COG5: variants seen among roughly 807,000 people sequenced by gnomAD.
The protein encoded by COG5 is component of oligomeric golgi complex 5.
In COG5, 86 loss-of-function variants were observed where a neutral mutation model predicts 110.4. The ratio of observed to expected loss-of-function variants is 0.78; its 90% CI spans 0.65 to 0.93. COG5 has a LOEUF of 0.93. Ranked by LOEUF, COG5 falls within the 40% of genes least tolerant of loss-of-function variation. COG5 has a pLI of 0.00. For synonymous variants in COG5, 360 were observed against 334.6 expected, an observed-to-expected ratio of 1.08 and a Z score of -0.83; for missense variants, 1,077 against 987.0, an observed-to-expected ratio of 1.09 and a Z score of -1.22.
At chr7:107,217,757 A>C (rs1487430366) in intron 19 of COG5, among the ~76,000 whole-genome samples, 2 of 152,160 alleles carry the variant, frequency 1.3e-5, no homozygotes, top group African/African-American at 4.8e-5. Flanking sequence ...CTAACATTAT[A>C]CTCAATGGTG....
intron 6 of COG5, among the ~76,000 whole-genome samples, chr7:107,438,301 C>T (rs894475356): frequency 3.3e-5 from 5 of 152,204 alleles, no homozygotes; most frequent in African/African-American, 1.2e-4. Flanking sequence ...TCAGAGGCAG[C>T]ACCAGAGAAA....
intron 5 of COG5, among the ~76,000 whole-genome samples, chr7:107,532,159 C>T (rs1801260644): frequency 6.6e-6 from 1 of 152,160 alleles, no homozygotes; most frequent in Non-Finnish European, 1.5e-5. Flanking sequence ...AGGGTTCAAG[C>T]GATTCTCCTG....
chr7:107,469,386 T>C (rs1190376892), intron 6 of COG5, among the ~76,000 whole-genome samples: 1 of 152,126 alleles, frequency 6.6e-6, no homozygotes, highest in Non-Finnish European at 1.5e-5. Context: ...GATTACTGAT[T>C]GAAGTTTTAT....
intron 19 of COG5, among the ~76,000 whole-genome samples, chr7:107,221,609 A>C (rs1431735030): frequency 6.6e-6 from 1 of 151,634 alleles, no homozygotes; most frequent in African/African-American, 2.4e-5. Context: ...CTAAAAATAC[A>C]AAAAAATTAG....
chr7:107,556,481 T>C (rs113763685), intron 2 of COG5, among the ~76,000 whole-genome samples: 7 of 152,310 alleles, frequency 4.6e-5, no homozygotes, highest in African/African-American at 9.6e-5. Context: ...GCAGAGTAGA[T>C]GCTGCATACA....
At chr7:107,530,601 C>CAAAAAAA (rs953588412) in intron 5 of COG5, among the ~76,000 whole-genome samples, 16 of 47,734 alleles carry the variant, frequency 3.4e-4, no homozygotes, top group South Asian at 9.8e-4. Context: ...AACTCCATCT[C>CAAAAAAA]AAAAAAAAAA....
intron 5 of COG5, among the ~76,000 whole-genome samples, chr7:107,530,795 C>G (rs779409254): frequency 1.2e-4 from 18 of 152,156 alleles, no homozygotes; most frequent in Non-Finnish European, 2.2e-4. Context: ...CCCAATATAG[C>G]TGCCTCCCCT....
chr7:107,268,313 TA>T (rs2116699019), intron 14 of COG5, among the ~76,000 whole-genome samples: 1 of 152,294 alleles, frequency 6.6e-6, no homozygotes, highest in African/African-American at 2.4e-5. Flanking sequence ...TCAGTTCAGC[TA>T]AAGTCCTAAT....
intron 19 of COG5, among the ~76,000 whole-genome samples, chr7:107,227,582 A>G (rs1800442314): frequency 1.3e-5 from 2 of 152,110 alleles, no homozygotes; most frequent in African/African-American, 2.4e-5. Flanking sequence ...CTTAAAATAG[A>G]TGTCTTAAGT....
At chr7:107,383,625 G>C (rs1341653623) in intron 7 of COG5, among the ~76,000 whole-genome samples, 1 of 152,098 alleles carries the variant, frequency 6.6e-6, no homozygotes, top group Admixed American at 6.5e-5. Context: ...AAGAGGGAAA[G>C]AGGACACTCT....
At position 107,248,505 on chromosome 7, in the gene COG5, AAAAAAAAAGAAAG is replaced by A; in HGVS notation, c.1750-19_1750-7del. The A allele has an allele frequency of 1.3e-6, 2 of 1,576,152 alleles. No individual in the cohort carries two copies. Among genetic ancestry groups the A allele is most frequent in the South Asian group, 2.3e-5 (2 of 88,804 alleles). Reference sequence around the variant, plus strand: ...TCCATAAGAGCATGAATAGCCTAAAAAAAAAAAAGAAAGAAAAAAAAGAAGAGGCAAGATTAAA... The same window carrying A: ...TCCATAAGAGCATGAATAGCCTAAAAAAAAAAAAGAAGAGGCAAGATTAAA... On this transcript the variant is annotated splice_region_variant and splice_polypyrimidine_tract_variant and intron_variant, in intron 16 of 21. Transcript: ENST00000297135.
intron 6 of COG5, chr7:107,480,880 C>A (rs920189819): frequency 2.0e-5 from 3 of 152,058 alleles, no homozygotes; most frequent in Admixed American, 6.6e-5. Context: ...ACAAAAAGAG[C>A]CAAGTGAACG....
chr7:107,327,415 C>CAGGCAACAA (rs1234503190), intron 10 of COG5, among the ~76,000 whole-genome samples: 5 of 152,058 alleles, frequency 3.3e-5, no homozygotes, highest in Non-Finnish European at 7.4e-5. Context: ...ACCATGAACA[C>CAGGCAACAA]AGGCAACAAA....
At chr7:107,400,837 T>C (rs1190726315) in intron 7 of COG5, among the ~76,000 whole-genome samples, 2 of 152,050 alleles carry the variant, frequency 1.3e-5, no homozygotes, top group East Asian at 1.9e-4. Flanking sequence ...TGACTGCATA[T>C]AGAAACTAGA....
chr7:107,448,553 C>T (rs571900226), intron 6 of COG5, among the ~76,000 whole-genome samples: 7 of 152,298 alleles, frequency 4.6e-5, no homozygotes, highest in African/African-American at 1.7e-4. Context: ...CTCAGGATAT[C>T]TGTCCTATTT....
intron 6 of COG5, among the ~76,000 whole-genome samples, chr7:107,504,100 T>C (rs1798812329): frequency 6.6e-6 from 1 of 152,154 alleles, no homozygotes; most frequent in Admixed American, 6.6e-5. Flanking sequence ...GGCTTTCAAC[T>C]TTTCCCCGTT....
intron 14 of COG5, among the ~76,000 whole-genome samples, chr7:107,265,971 G>A (rs923706147): frequency 1.3e-5 from 2 of 151,960 alleles, no homozygotes; most frequent in African/African-American, 2.4e-5. Context: ...AGGATTTTTT[G>A]ACCCCAGGAG....
At chr7:107,225,809 G>A (rs1003537810) in intron 19 of COG5, among the ~76,000 whole-genome samples, 2 of 152,176 alleles carry the variant, frequency 1.3e-5, no homozygotes, top group Non-Finnish European at 2.9e-5. Context: ...TTGGGAGGCC[G>A]AGGCAGGCAG....
chr7:107,375,398 T>G (rs904567763), intron 7 of COG5, among the ~76,000 whole-genome samples: 2 of 152,054 alleles, frequency 1.3e-5, no homozygotes, highest in Non-Finnish European at 1.5e-5. Flanking sequence ...AATTGCTAAA[T>G]CATATTAGTA....
Sources: gnomAD v4.1 joint callset for allele counts (sites outside exome capture counted in the v4.1 genomes callset) on GRCh38, gnomAD v4.1.1 for gene constraint, MANE v1.5 for transcripts, NCBI Gene and HGNC (gene_info 2026-07-23, HGNC 2026-07-21) for gene names.